RBM20: variants seen among roughly 807,000 people sequenced by gnomAD.
The protein encoded by RBM20 is RNA binding motif protein 20, also known as RNA-binding protein 20.
RBM20 carries 51 observed loss-of-function variants against 110.1 expected under a neutral mutation model. That is an observed-to-expected ratio of 0.46 (90% CI 0.37 to 0.59). The LOEUF is 0.59. Among genes scored for constraint, RBM20 ranks in the 20% least tolerant of loss-of-function variants. RBM20 has a pLI of 0.00. For missense variants in RBM20, 1,512 were observed against 1,574.9 expected, an observed-to-expected ratio of 0.96 and a Z score of 0.68; for synonymous variants, 589 against 618.2, an observed-to-expected ratio of 0.95 and a Z score of 0.70.
At chr10:110,758,501 C>G (rs1157955191) in intron 1 of RBM20, among the ~76,000 whole-genome samples, 1 of 152,096 alleles carries the variant, frequency 6.6e-6, no homozygotes, top group Non-Finnish European at 1.5e-5. Context: ...TGAGATATAT[C>G]CAAAGTTTAA....
intron 12 of RBM20, among the ~76,000 whole-genome samples, chr10:110,829,696 G>T (rs1194877763): frequency 3.3e-5 from 5 of 152,356 alleles, no homozygotes; most frequent in Non-Finnish European, 2.9e-5. Flanking sequence ...TGTCCTGGGA[G>T]GTGGGAGGAG....
intron 1 of RBM20, among the ~76,000 whole-genome samples, chr10:110,721,039 ACTGGCTTCCTTATT>A (rs1465570819): frequency 1.3e-5 from 2 of 152,168 alleles, no homozygotes; most frequent in Admixed American, 6.5e-5. Context: ...ATTCTACAGG[ACTGGCTTCCTTATT>A]TCCTGCAGGC....
chr10:110,720,055 A>T (rs1336663477), intron 1 of RBM20, among the ~76,000 whole-genome samples: 1 of 152,030 alleles, frequency 6.6e-6, no homozygotes, highest in Admixed American at 6.6e-5. Context: ...CCTGGCGGTG[A>T]TCTTTTTTAT....
chr10:110,735,459 C>T (rs944061839), intron 1 of RBM20, among the ~76,000 whole-genome samples: 6 of 152,128 alleles, frequency 3.9e-5, no homozygotes, highest in Non-Finnish European at 8.8e-5. Flanking sequence ...CAAGCCTGTA[C>T]CTTGCGCTTT....
At chr10:110,658,039 G>A (rs1301221622) in intron 1 of RBM20, among the ~76,000 whole-genome samples, 1 of 151,592 alleles carries the variant, frequency 6.6e-6, no homozygotes, top group East Asian at 1.9e-4. Flanking sequence ...TTCTTCTGTT[G>A]ATGAATCTTC....
At chr10:110,731,252 C>T (rs895741025) in intron 1 of RBM20, among the ~76,000 whole-genome samples, 4 of 152,106 alleles carry the variant, frequency 2.6e-5, no homozygotes, top group Non-Finnish European at 5.9e-5. Flanking sequence ...CCATGTCTGC[C>T]CACAAATTCA....
rs1844390323 is a variant in RBM20 at position 110,784,193 on chromosome 10, C to G, written c.1338-148C>G. On this transcript the variant is annotated intron_variant, in intron 3 of 13. Coordinates refer to ENST00000369519, the MANE Select transcript of RBM20 (RefSeq NM_001134363.3). ...CACCTTTTGACTATTGTGAATAGGG[C>G]TGCTAGGAAGGTTTGGGGACAGTTT... The G allele has an allele frequency of 1.2e-5, 7 of 606,260 alleles. No individual in the cohort carries two copies. In the South Asian group the frequency reaches 1.3e-4, roughly 12 times the overall value. The allele number at this position is 606,260 out of a possible 1,614,324, so 37.6% of individuals were successfully genotyped here.
chr10:110,702,845 T>A (rs141120261), intron 1 of RBM20, among the ~76,000 whole-genome samples: 1 of 152,328 alleles, frequency 6.6e-6, no homozygotes, highest in Non-Finnish European at 1.5e-5. Flanking sequence ...ATGGAAATTA[T>A]GGTACATACC....
rs952448331 is a variant in RBM20 at position 110,777,380 on chromosome 10, G to A, written c.192-3421G>A. ...ACTACTATATGCACCTCAATTTCAG[G>A]TTATTAACTATTGCAGGCTAAGAAT... On this transcript the variant is annotated intron_variant, in intron 1 of 13. Coordinates refer to ENST00000369519, the MANE Select transcript of RBM20 (RefSeq NM_001134363.3). Among the ~76,000 whole-genome samples, 5 of 152,150 alleles carry A rather than the reference G, an allele frequency of 3.3e-5. No individual in the cohort carries two copies. The South Asian group carries it at 8.3e-4, about 25-fold the overall frequency.
At chr10:110,721,922 A>G (rs1234222752) in intron 1 of RBM20, among the ~76,000 whole-genome samples, 2 of 149,400 alleles carry the variant, frequency 1.3e-5, no homozygotes, top group African/African-American at 5.1e-5. Context: ...AACAAGGCAT[A>G]CTGGGGTGTC....
At chr10:110,671,863 G>T (rs1371190418) in intron 1 of RBM20, among the ~76,000 whole-genome samples, 3 of 152,082 alleles carry the variant, frequency 2.0e-5, no homozygotes, top group Non-Finnish European at 4.4e-5. Flanking sequence ...ATCCATTCTG[G>T]TGTGATTATT....
intron 1 of RBM20, among the ~76,000 whole-genome samples, chr10:110,766,799 A>G (rs1303773706): frequency 8.9e-3 from 1,119 of 125,114 alleles, no homozygotes; most frequent in Admixed American, 0.01. Context: ...ATTCCACAAA[A>G]CCGCCATTGT....
chr10:110,785,058 A>C (rs971856727), intron 5 of RBM20, among the ~76,000 whole-genome samples, 169 bp downstream of exon 5: 12 of 152,152 alleles, frequency 7.9e-5, no homozygotes, highest in African/African-American at 2.9e-4. Flanking sequence ...GGTCAACCAA[A>C]GTGCTGGAAT....
intron 1 of RBM20, among the ~76,000 whole-genome samples, chr10:110,665,661 A>G (rs1862164990): frequency 6.6e-6 from 1 of 152,108 alleles, no homozygotes; most frequent in Non-Finnish European, 1.5e-5. Flanking sequence ...ATACATATAT[A>G]TGATAATCTA....
At chr10:110,764,038 G>T (rs1463940528) in intron 1 of RBM20, among the ~76,000 whole-genome samples, 2 of 152,094 alleles carry the variant, frequency 1.3e-5, no homozygotes, top group Non-Finnish European at 2.9e-5. Context: ...GAGCAAAGGA[G>T]AACTCACTTT....
chr10:110,816,762 A>G (rs1844845837), intron 9 of RBM20, among the ~76,000 whole-genome samples: 2 of 152,192 alleles, frequency 1.3e-5, no homozygotes, highest in Non-Finnish European at 2.9e-5. Context: ...TGAAGGTATG[A>G]AGGTTGGAAC....
chr10:110,837,776 G>A lies in RBM20; in HGVS notation c.*1798G>A, dbSNP rs552135384. On this transcript the variant is annotated 3_prime_UTR_variant, in exon 14 of 14. Coordinates refer to ENST00000369519, the MANE Select transcript of RBM20 (RefSeq NM_001134363.3). ...TCATTGGCAAGGGACAGGCTCATGG[G>A]AGCTGGTGAGAGAGAGCAGTTAAGG... 7 of 152,426 alleles carry A rather than the reference G, an allele frequency of 4.6e-5. No homozygotes were observed. The highest frequency in any genetic ancestry group is 1.3e-4 in the Admixed American group (2 of 15,298). 9.4% of individuals were successfully genotyped at this position (152,426 alleles called of 1,614,324 possible).
intron 1 of RBM20, among the ~76,000 whole-genome samples, chr10:110,673,564 T>A (rs2134846057): frequency 6.6e-6 from 1 of 152,330 alleles, no homozygotes; most frequent in Admixed American, 6.5e-5. Flanking sequence ...TAGCTGTGCT[T>A]AAGTGTTTAT....
chr10:110,648,716 G>GT (rs66484725), intron 1 of RBM20, among the ~76,000 whole-genome samples: 8 of 61,172 alleles, frequency 1.3e-4, no homozygotes, highest in South Asian at 1.1e-3. Context: ...GGAAGAAAAG[G>GT]GGGGGGTGCT....
Sources: allele counts gnomAD v4.1 joint callset (sites outside exome capture counted in the v4.1 genomes callset), GRCh38; gene constraint gnomAD v4.1.1; transcripts MANE v1.5; gene names NCBI Gene and HGNC (gene_info 2026-07-23, HGNC 2026-07-21).